The following ARFIP1 variants were observed in gnomAD, a reference collection of about 807,000 sequenced individuals.
ARFIP1 encodes the protein arfaptin-1.
Under a neutral mutation model 42.5 loss-of-function variants are expected in ARFIP1, and 24 were observed. The ratio of observed to expected loss-of-function variants is 0.57; its 90% CI spans 0.41 to 0.80. ARFIP1 has a LOEUF of 0.80. ARFIP1 is among the 30% of genes least tolerant of loss of function. The pLI is 0.00. For missense variants in ARFIP1, 354 were observed against 434.0 expected, an observed-to-expected ratio of 0.82 and a Z score of 1.64; for synonymous variants, 141 against 153.7, an observed-to-expected ratio of 0.92 and a Z score of 0.61.
intron 1 of ARFIP1, among the ~76,000 whole-genome samples, chr4:152,783,483 G>A (rs2149811349): frequency 6.6e-6 from 1 of 152,270 alleles, no homozygotes; most frequent in Admixed American, 6.5e-5. Flanking sequence ...TTATAAAGTG[G>A]CTAAAGTCCT....
At chr4:152,861,287 C>G (rs1236586728) in intron 2 of ARFIP1, among the ~76,000 whole-genome samples, 3 of 152,152 alleles carry the variant, frequency 2.0e-5, no homozygotes, top group South Asian at 2.1e-4. Flanking sequence ...CTAGAAGATT[C>G]TATTCATCTT....
chr4:152,879,173 ACT>A (rs912735355), intron 5 of ARFIP1, among the ~76,000 whole-genome samples: 1 of 151,046 alleles, frequency 6.6e-6, no homozygotes, highest in African/African-American at 2.4e-5. Flanking sequence ...AAAAAATAAC[ACT>A]CTTTTGTTAA....
Position 152,863,652 on chromosome 4 carries a change from A to G in ARFIP1, c.140A>G (p.Gln47Arg). The change falls in exon 3 of 9, where the codon CAA (glutamine) becomes CGA (arginine). Residue 47 changes from glutamine (Q) to arginine (R), a missense_variant. By Grantham distance (43) the Gln-to-Arg change is conservative. Coordinates refer to ENST00000353617, the MANE Select transcript of ARFIP1 (RefSeq NM_001025595.3). ...TCTGGACTTGGTCTCTCAGAAACCC[A>G]AATTACATCTCATGGCTTTGACAAT... The part of the protein sequence containing the change: ...LPSGLGLSET[Q>R]ITSHGFDNTK... The G allele has an allele frequency of 6.2e-7, 1 of 1,611,728 alleles. No individual in the cohort carries two copies. The highest frequency in any genetic ancestry group is 8.5e-7 in the Non-Finnish European group (1 of 1,178,070).
intron 2 of ARFIP1, among the ~76,000 whole-genome samples, chr4:152,853,905 CTTTTTTTTTTT>C (rs36055484): frequency 1.2e-4 from 9 of 74,740 alleles, no homozygotes; most frequent in Admixed American, 8.4e-4. Context: ...TTCTGAGATT[CTTTTTTTTTTT>C]TTTTTTTTTT....
intron 8 of ARFIP1, among the ~76,000 whole-genome samples, chr4:152,906,343 CTT>C (rs1250110909): frequency 6.6e-6 from 1 of 152,192 alleles, no homozygotes; most frequent in Non-Finnish European, 1.5e-5. Context: ...TAATATCCAC[CTT>C]TTCTCCTCTT....
At chr4:152,870,991 G>A in intron 4 of ARFIP1, 143 bp downstream of exon 4, 1 of 549,166 alleles carries the variant, frequency 1.8e-6, no homozygotes, top group East Asian at 3.0e-5. Flanking sequence ...AACAATAAAG[G>A]AAATAATTTT....
At chr4:152,842,199 G>A (rs903718491) in intron 2 of ARFIP1, among the ~76,000 whole-genome samples, 8 of 151,958 alleles carry the variant, frequency 5.3e-5, no homozygotes, top group East Asian at 1.9e-4. Context: ...ATCATCTATC[G>A]CCTGAGAGCA....
chr4:152,844,252 C>T (rs926245728), intron 2 of ARFIP1, among the ~76,000 whole-genome samples: 2 of 152,352 alleles, frequency 1.3e-5, no homozygotes, highest in East Asian at 3.8e-4. Context: ...AGTTGGGGCA[C>T]TCACAGTACT....
chr4:152,781,899 A>G (rs1730519638), intron 1 of ARFIP1, among the ~76,000 whole-genome samples: 1 of 152,200 alleles, frequency 6.6e-6, no homozygotes, highest in Non-Finnish European at 1.5e-5. Context: ...CCCTGAAATT[A>G]TATGCAGTTT....
At chr4:152,884,623 T>A (rs1197413029) in intron 7 of ARFIP1, among the ~76,000 whole-genome samples, 1 of 151,976 alleles carries the variant, frequency 6.6e-6, no homozygotes, top group Non-Finnish European at 1.5e-5. Context: ...TATCCTGAAA[T>A]ATATTTTCGT....
chr4:152,863,283 T>C (rs562586901), intron 2 of ARFIP1, among the ~76,000 whole-genome samples: 2 of 152,220 alleles, frequency 1.3e-5, no homozygotes, highest in Non-Finnish European at 2.9e-5. Context: ...TTGAATGATC[T>C]TAATTTTGCT....
intron 7 of ARFIP1, chr4:152,883,387 A>G (rs1412662589): frequency 6.6e-6 from 1 of 152,180 alleles, no homozygotes; most frequent in Middle Eastern, 3.2e-3. Flanking sequence ...TGCTTCCACA[A>G]TAGCCAGACC....
chr4:152,783,166 G>A (rs909212264), intron 1 of ARFIP1, among the ~76,000 whole-genome samples: 4 of 151,960 alleles, frequency 2.6e-5, no homozygotes, highest in South Asian at 4.1e-4. Flanking sequence ...AAAATTAGCC[G>A]GGTGTGTGTT....
intron 8 of ARFIP1, among the ~76,000 whole-genome samples, chr4:152,894,219 AAAAG>A (rs1285316065): frequency 3.5e-4 from 53 of 151,972 alleles, no homozygotes; most frequent in Non-Finnish European, 4.9e-4. Flanking sequence ...AAAAAAAAAA[AAAAG>A]AAAGAAAAAA....
At chr4:152,878,348 T>C (rs749408161) in intron 5 of ARFIP1, among the ~76,000 whole-genome samples, 4 of 152,334 alleles carry the variant, frequency 2.6e-5, no homozygotes, top group Middle Eastern at 6.8e-3. Context: ...TGATCTCCAA[T>C]ATTACATTTT....
intron 1 of ARFIP1, chr4:152,795,988 T>C (rs1407001998): frequency 5.5e-6 from 3 of 546,568 alleles, no homozygotes; most frequent in Non-Finnish European, 6.9e-6. Flanking sequence ...TGTTTGGTAG[T>C]ACTCAGAAAC....
intron 8 of ARFIP1, among the ~76,000 whole-genome samples, chr4:152,907,108 A>T (rs1223713376): frequency 6.6e-6 from 1 of 152,178 alleles, no homozygotes; most frequent in African/African-American, 2.4e-5. Flanking sequence ...CCTCAATAGA[A>T]CATAAACTTC....
At chr4:152,802,452 CAT>C (rs1728500824) in intron 1 of ARFIP1, among the ~76,000 whole-genome samples, 1 of 152,086 alleles carries the variant, frequency 6.6e-6, no homozygotes, top group South Asian at 2.1e-4. Flanking sequence ...AGCTACTTGA[CAT>C]ATGTAGTTAA....
intron 2 of ARFIP1, among the ~76,000 whole-genome samples, chr4:152,849,246 AT>A (rs1259508409): frequency 6.6e-6 from 1 of 151,910 alleles, no homozygotes; most frequent in African/African-American, 2.4e-5. Context: ...GTGTGCCCTT[AT>A]TTATAAACAA....
Sources: gnomAD v4.1 joint callset for allele counts (sites outside exome capture counted in the v4.1 genomes callset) on GRCh38, gnomAD v4.1.1 for gene constraint, MANE v1.5 for transcripts, NCBI Gene and HGNC (gene_info 2026-07-23, HGNC 2026-07-21) for gene names.